Variants in ABR observed in about 807,000 individuals in gnomAD.
ABR encodes ABR activator of RhoGEF and GTPase.
A neutral mutation model predicts 107.2 loss-of-function variants in ABR; 35 were observed. That is an observed-to-expected ratio of 0.33 (90% CI 0.25 to 0.43). The LOEUF (loss-of-function observed/expected upper bound fraction) is 0.43. Among genes scored for constraint, ABR ranks in the 20% least tolerant of loss-of-function variants. The pLI is 1.00. For missense variants in ABR, 815 were observed against 1,115.2 expected (o/e 0.73, Z 3.83); for synonymous variants, 498 against 462.0 (o/e 1.08, Z -1.00).
chr17:1,141,158 C>T (rs2040270600), intron 1 of ABR, among the ~76,000 whole-genome samples: 1 of 152,066 alleles, frequency 6.6e-6, no homozygotes, highest in East Asian at 1.9e-4. Context: ...TCCAGGTGAC[C>T]CCAGCTGATC....
chr17:1,188,029 C>T (rs1235044999), upstream of ABR, among the ~76,000 whole-genome samples: 2 of 151,642 alleles, frequency 1.3e-5, no homozygotes, highest in South Asian at 2.1e-4. Context: ...CAGCCTGGCT[C>T]ATGTGGTGAA....
rs144721453 is a variant in ABR at position 1,217,839 on chromosome 17, C to A, written c.838+10954G>T. Among the ~76,000 whole-genome samples, 426 of 152,296 alleles carry A rather than the reference C, an allele frequency of 2.8e-3. 3 individuals are homozygous for A. The highest frequency in any genetic ancestry group is 9.9e-3 in the African/African-American group (412 of 41,570). On this transcript the variant is annotated intron_variant, in intron 1 of 22. Coordinates refer to the ABR transcript ENST00000574139. ...CCTCCTGAGTAGCTGGGATTACAGG[C>A]ACGTGCCACCATGCTCAGCTAATTT...
intron 14 of ABR, chr17:1,055,807 G>A (rs533724257): frequency 2.7e-5 from 14 of 514,572 alleles, no homozygotes; most frequent in African/African-American, 9.5e-5. Flanking sequence ...GATTACAGGG[G>A]TGAGCCACCG....
chr17:1,055,888 G>A (rs1369921926), intron 14 of ABR, 147 bp downstream of exon 14: 1 of 710,956 alleles, frequency 1.4e-6, no homozygotes, highest in Non-Finnish European at 2.4e-6. Flanking sequence ...CAAAGGCCAG[G>A]GGTGACCTCC....
chr17:1,139,439 A>G (rs2040206600), intron 1 of ABR, among the ~76,000 whole-genome samples: 1 of 151,962 alleles, frequency 6.6e-6, no homozygotes, highest in Non-Finnish European at 1.5e-5. Context: ...TTTTTAGTAG[A>G]GACAGGGTTT....
In ABR at chr17:1,179,632, G is replaced by A; in HGVS notation, c.61+35C>T. On this transcript the variant is annotated intron_variant, in intron 1 of 22. Transcript: ENST00000302538. The surrounding 1 kb of genome is among the most constrained non-coding windows in gnomAD (Gnocchi z 4.9). The stretch of plus-strand genomic sequence containing the variant: ...ATCTCCATCCTGGGGTCCCGATCCC[G>A]ATCCTGGGGTCCCGCCCCCGCCCGG... The A allele has an allele frequency of 1.3e-6, 2 of 1,489,730 alleles. No homozygotes were observed. The highest frequency in any genetic ancestry group is 1.3e-5 in the South Asian group (1 of 77,064). The allele number at this position is 1,489,730 out of a possible 1,614,324, so 92.3% of individuals were successfully genotyped here.
At chr17:1,204,845 A>G (rs2042756006) in intron 1 of ABR, among the ~76,000 whole-genome samples, 1 of 151,274 alleles carries the variant, frequency 6.6e-6, no homozygotes, top group Non-Finnish European at 1.5e-5. Flanking sequence ...CTTGCACAAC[A>G]GTGAAATCAT....
chr17:1,109,329 G>C (rs1353363952), intron 2 of ABR, among the ~76,000 whole-genome samples: 1 of 151,936 alleles, frequency 6.6e-6, no homozygotes, highest in East Asian at 1.9e-4. Context: ...CGTGGCGGAG[G>C]CGAACCCGCC....
At chr17:1,166,141 G>C (rs1007707293) in intron 1 of ABR, among the ~76,000 whole-genome samples, 1 of 151,954 alleles carries the variant, frequency 6.6e-6, no homozygotes, top group African/African-American at 2.4e-5. Context: ...GTTTCACTTC[G>C]GTCATTCTCA....
At chr17:1,030,484 G>C (rs1256058530) in intron 16 of ABR, among the ~76,000 whole-genome samples, 2 of 152,234 alleles carry the variant, frequency 1.3e-5, no homozygotes, top group African/African-American at 4.8e-5. Context: ...GGGGCCAGCA[G>C]GGCTCTGCTA....
chr17:1,024,542 G>A (rs1044158212), intron 16 of ABR, among the ~76,000 whole-genome samples: 2 of 152,270 alleles, frequency 1.3e-5, no homozygotes, highest in Middle Eastern at 3.4e-3. Flanking sequence ...ATCCAGCACT[G>A]TGGGAGGCGG....
intron 1 of ABR, among the ~76,000 whole-genome samples, chr17:1,156,736 A>C (rs2083811): frequency 0.16 from 24,319 of 152,170 alleles, 2,237 homozygotes; most frequent in African/African-American, 0.25. Flanking sequence ...TCCTCTTAAC[A>C]ATTACTTGGT....
At chr17:1,201,392 C>G (rs1012952611) in intron 1 of ABR, among the ~76,000 whole-genome samples, 2 of 152,124 alleles carry the variant, frequency 1.3e-5, no homozygotes, top group African/African-American at 4.8e-5. Flanking sequence ...AAAGAAGACA[C>G]CCCGCACAGC....
At position 1,211,694 on chromosome 17, in the gene ABR, C is replaced by T. The variant is rs777665345; in HGVS notation, c.838+17099G>A. Among the ~76,000 whole-genome samples, 11 of 152,290 alleles carry T rather than the reference C, an allele frequency of 7.2e-5. No individual in the cohort carries two copies. The South Asian group carries it at 2.1e-3, about 29-fold the overall frequency. On this transcript the variant is annotated intron_variant, in intron 1 of 22. Transcript: ENST00000574139. ...GTAAGGGGTAGAGCTGAGGTTCAAA[C>T]GTGGGCAGTCTGACCCCAGAACCTG...
At position 1,155,809 on chromosome 17, in the gene ABR, C is replaced by T. The variant is rs1597999238; in HGVS notation, c.61+23858G>A. 2.6e-5 allele frequency among the ~76,000 whole-genome samples: 4 copies of T among 151,990 alleles called. No homozygotes were observed. In the East Asian group the frequency reaches 5.8e-4, roughly 22 times the overall value. On this transcript the variant is annotated intron_variant, in intron 1 of 22. Coordinates refer to ENST00000302538, the MANE Select transcript of ABR (RefSeq NM_021962.5). ...TAAAACCCTGTCTCTACTAAAACTA[C>T]AAAAATTAGCCAGGCATGGTGGCAG...
At chr17:1,036,875 G>A (rs1000721636) in intron 16 of ABR, among the ~76,000 whole-genome samples, 3 of 152,128 alleles carry the variant, frequency 2.0e-5, no homozygotes, top group African/African-American at 7.2e-5. Context: ...CCCACCCATC[G>A]GATACCTCTG....
chr17:1,196,373 T>C (rs2042565493), intron 1 of ABR, among the ~76,000 whole-genome samples: 1 of 152,094 alleles, frequency 6.6e-6, no homozygotes. Context: ...GAGGTCACAG[T>C]GAGCTGACAT....
rs34146750 is a variant in ABR at position 1,078,104 on chromosome 17, G to GGTGTGT, written c.700+1220_700+1225dup. Among the ~76,000 whole-genome samples, 739 of 148,476 alleles carry GGTGTGT rather than the reference G, an allele frequency of 5.0e-3. 6 individuals are homozygous for GGTGTGT. Among genetic ancestry groups the GGTGTGT allele is most frequent in the African/African-American group, 0.014 (559 of 40,662 alleles). ...GTCCGGGTCCCTTCCACCGAAAGGT[G>GGTGTGT]GTGTGTGTGTGTGTGTGTGTGTGTG... is the stretch of plus-strand genomic sequence containing the variant. On this transcript the variant is annotated intron_variant, in intron 6 of 22. Coordinates refer to ENST00000302538, the MANE Select transcript of ABR (RefSeq NM_021962.5). This position sits in a 1 kb window ranked among gnomAD's most constrained non-coding sequence, Gnocchi z 7.5.
In ABR at chr17:1,010,154, C is replaced by T. The variant is rs73283424; in HGVS notation, c.2237-370G>A. On this transcript the variant is annotated intron_variant, in intron 20 of 22. Transcript: ENST00000302538. This position sits in a 1 kb window ranked among gnomAD's most constrained non-coding sequence, Gnocchi z 4.1. Reference sequence around the variant, plus strand: ...CCAGCGGTGGATTCTCTTTCTCCACCCCTTCTGCTGCTGGAGCGTGGGTGC... The same window carrying T: ...CCAGCGGTGGATTCTCTTTCTCCACTCCTTCTGCTGCTGGAGCGTGGGTGC... The T allele has an allele frequency of 2.5e-3, 689 of 274,452 alleles. 7 individuals carry two copies. The highest frequency in any genetic ancestry group is 0.014 in the African/African-American group (641 of 46,888). The allele number at this position is 274,452 out of a possible 1,614,324, so 17.0% of individuals were successfully genotyped here. A position where few individuals can be genotyped will look rare whatever the true frequency, so the allele number is the denominator to read the frequency against.
Sources: allele counts gnomAD v4.1 joint callset (sites outside exome capture counted in the v4.1 genomes callset), GRCh38; gene constraint gnomAD v4.1.1; non-coding constraint Gnocchi (gnomAD v3.1); transcripts MANE v1.5; gene names NCBI Gene and HGNC (gene_info 2026-07-23, HGNC 2026-07-21).